The following CDH9 variants were observed in gnomAD, a reference collection of about 807,000 sequenced individuals.
The protein encoded by CDH9 is cadherin 9.
A neutral mutation model predicts 70.9 loss-of-function variants in CDH9; 28 were observed. The ratio of observed to expected loss-of-function variants is 0.40; its 90% CI spans 0.29 to 0.54. The LOEUF is 0.54. Among genes scored for constraint, CDH9 ranks in the 20% least tolerant of loss-of-function variants. The pLI is 0.59. For synonymous variants in CDH9, 409 were observed against 343.1 expected (o/e 1.19, Z -2.12); for missense variants, 874 against 984.4 (o/e 0.89, Z 1.50).
intron 1 of CDH9, among the ~76,000 whole-genome samples, chr5:27,002,524 T>C (rs1742788644): frequency 6.6e-6 from 1 of 152,174 alleles, no homozygotes; most frequent in Admixed American, 6.5e-5. Context: ...CCAACCCAAA[T>C]GTCCATCAAT....
intron 2 of CDH9, among the ~76,000 whole-genome samples, chr5:26,932,418 A>G (rs112142068): frequency 6.6e-6 from 1 of 152,132 alleles, no homozygotes; most frequent in East Asian, 1.9e-4. Flanking sequence ...AGAAAAAAAA[A>G]CAAAATATTT....
chr5:26,965,548 C>T (rs527853132), intron 2 of CDH9, among the ~76,000 whole-genome samples: 1 of 150,330 alleles, frequency 6.7e-6, no homozygotes, highest in East Asian at 1.9e-4. Context: ...TGGAATCCAG[C>T]GTGCATGACA....
At chr5:26,989,279 G>A (rs947469298) in intron 1 of CDH9, among the ~76,000 whole-genome samples, 3 of 151,914 alleles carry the variant, frequency 2.0e-5, no homozygotes, top group Admixed American at 6.6e-5. Flanking sequence ...TATCAAATTG[G>A]TTTTAATTTG....
At chr5:26,913,051 G>T (rs1741080199) in intron 3 of CDH9, among the ~76,000 whole-genome samples, 1 of 152,080 alleles carries the variant, frequency 6.6e-6, no homozygotes, top group African/African-American at 2.4e-5. Flanking sequence ...TCAGCCATGT[G>T]GAACTGTAAT....
intron 1 of CDH9, among the ~76,000 whole-genome samples, chr5:26,996,703 A>AT (rs1225364775): frequency 6.6e-6 from 1 of 151,650 alleles, no homozygotes; most frequent in Non-Finnish European, 1.5e-5. Flanking sequence ...TACATATTTA[A>AT]TCACTAGTTT....
intron 2 of CDH9, among the ~76,000 whole-genome samples, chr5:26,928,669 G>A (rs1741387620): frequency 6.6e-6 from 1 of 151,864 alleles, no homozygotes; most frequent in South Asian, 2.1e-4. Context: ...ACAGAATAGA[G>A]AACCCAGAAA....
At position 26,913,757 on chromosome 5, in the gene CDH9, T is replaced by TTGTG. The variant is rs5866811; in HGVS notation, c.523+1869_523+1872dup. The stretch of plus-strand genomic sequence containing the variant: ...GATTCTAAAATATATACATATATGT[T>TTGTG]TGTGTGTGTGTGTGTGTGTGTGTGT... On this transcript the variant is annotated intron_variant, in intron 3 of 11. Coordinates refer to ENST00000231021, the MANE Select transcript of CDH9 (RefSeq NM_016279.4). Among the ~76,000 whole-genome samples, 875 of 145,528 alleles carry TTGTG rather than the reference T, an allele frequency of 6.0e-3. 9 individuals carry two copies. Among genetic ancestry groups the TTGTG allele is most frequent in the African/African-American group, 0.016 (630 of 39,514 alleles).
At chr5:26,940,087 C>T (rs1447719974) in intron 2 of CDH9, among the ~76,000 whole-genome samples, 4 of 150,832 alleles carry the variant, frequency 2.7e-5, no homozygotes, top group Non-Finnish European at 4.4e-5. Context: ...CAGGAGAACC[C>T]AGGAGGCAGA....
chr5:27,036,015 C>G (rs1743387032), intron 1 of CDH9, among the ~76,000 whole-genome samples: 1 of 151,700 alleles, frequency 6.6e-6, no homozygotes, highest in Non-Finnish European at 1.5e-5. Flanking sequence ...TTAATTTATA[C>G]TTTCTTGCAT....
Position 26,890,457 on chromosome 5 carries a change from T to C in CDH9, c.1361A>G (p.His454Arg), listed in dbSNP as rs751026716. The C allele has an allele frequency of 6.2e-7, 1 of 1,613,636 alleles. No homozygotes were observed. The highest frequency in any genetic ancestry group is 8.5e-7 in the Non-Finnish European group (1 of 1,179,594). ...TTCTGTGGCTGTAACAGTGATGTTA[T>C]GCCAAGGAGATGATTCCCGGTCAAG... ...KALDRESSPW[H>R]NITVTATEIN... The change falls in exon 8 of 12, where the codon CAT (histidine) becomes CGT (arginine). Residue 454 changes from histidine to arginine, a missense_variant. Transcript: ENST00000231021.
intron 2 of CDH9, among the ~76,000 whole-genome samples, chr5:26,916,180 AAGAT>A (rs1326247617): frequency 6.6e-6 from 1 of 152,014 alleles, no homozygotes; most frequent in Non-Finnish European, 1.5e-5. Flanking sequence ...TGTCAAAACA[AAGAT>A]ATTTATGAAT....
intron 2 of CDH9, among the ~76,000 whole-genome samples, chr5:26,926,132 G>GA (rs1741333906): frequency 6.6e-6 from 1 of 152,134 alleles, no homozygotes; most frequent in Non-Finnish European, 1.5e-5. Flanking sequence ...TATTCAATTA[G>GA]GAAAAGAGGA....
At chr5:26,993,136 T>C (rs1440373308) in intron 1 of CDH9, among the ~76,000 whole-genome samples, 1 of 147,332 alleles carries the variant, frequency 6.8e-6, no homozygotes, top group African/African-American at 2.5e-5. Context: ...CTAAGTAACA[T>C]GGAACAGAAC....
chr5:26,883,793 T>C (rs1395070255), intron 11 of CDH9, among the ~76,000 whole-genome samples: 1 of 152,032 alleles, frequency 6.6e-6, no homozygotes, highest in East Asian at 1.9e-4. Flanking sequence ...AAAGTGTCCC[T>C]ACAACCAAAA....
At chr5:26,990,112 AAAACTCAACAT>A (rs1299603426) in intron 1 of CDH9, among the ~76,000 whole-genome samples, 1 of 152,094 alleles carries the variant, frequency 6.6e-6, no homozygotes, top group Admixed American at 6.6e-5. Context: ...GTGCTAGCAC[AAAACTCAACAT>A]ATTAGCATTA....
At chr5:27,001,088 A>C (rs1742759406) in intron 1 of CDH9, among the ~76,000 whole-genome samples, 1 of 152,146 alleles carries the variant, frequency 6.6e-6, no homozygotes, top group African/African-American at 2.4e-5. Flanking sequence ...ATAAAGGCTT[A>C]TTATGAATGA....
In CDH9 at chr5:26,988,420, TGA is replaced by T. The variant is rs1742524697; in HGVS notation, c.-49-40_-49-39del. On this transcript the variant is annotated intron_variant, in intron 1 of 11. Transcript: ENST00000231021. ...GAGAAAAAAAATGGCTGTATTAGCT[TGA>T]GTTTCACTTTCCCACAACGTGTAAA... is the stretch of plus-strand genomic sequence containing the variant. 3.6e-5 allele frequency: 55 copies of T among 1,509,822 alleles called. 3 individuals carry two copies. The South Asian group carries it at 5.6e-4, about 16-fold the overall frequency. The allele number at this position is 1,509,822 out of a possible 1,614,324, so 93.5% of individuals were successfully genotyped here.
At chr5:27,035,471 A>C (rs1350952396) in intron 1 of CDH9, among the ~76,000 whole-genome samples, 1 of 151,806 alleles carries the variant, frequency 6.6e-6, no homozygotes, top group Non-Finnish European at 1.5e-5. Flanking sequence ...CATATTTATA[A>C]ATTTAGCATC....
chr5:26,993,886 C>T (rs1742623433), intron 1 of CDH9, among the ~76,000 whole-genome samples: 2 of 152,088 alleles, frequency 1.3e-5, no homozygotes, highest in South Asian at 4.2e-4. Flanking sequence ...ATGGGACTGC[C>T]ACCCCAGGAG....
Sources: gnomAD v4.1 joint callset for allele counts (sites outside exome capture counted in the v4.1 genomes callset) on GRCh38, gnomAD v4.1.1 for gene constraint, MANE v1.5 for transcripts, NCBI Gene and HGNC (gene_info 2026-07-23, HGNC 2026-07-21) for gene names.